GPR143: variants seen among roughly 807,000 people sequenced by gnomAD.
GPR143 encodes G protein-coupled receptor 143, also known as G-protein coupled receptor 143.
GPR143 carries 8 observed loss-of-function variants against 27.6 expected under a neutral mutation model. The observed-to-expected ratio is 0.29, with a 90% CI of 0.17 to 0.52. The LOEUF (loss-of-function observed/expected upper bound fraction) is 0.52, where lower values mean the gene tolerates loss of function less well. GPR143 is among the 20% of genes least tolerant of loss of function. The pLI is 0.96. For missense variants in GPR143, 303 were observed against 343.1 expected, an observed-to-expected ratio of 0.88 and a Z score of 0.92; for synonymous variants, 156 against 153.2, an observed-to-expected ratio of 1.02 and a Z score of -0.13.
chrX:9,731,717 A>C (rs2083354256), intron 8 of GPR143, among the ~76,000 whole-genome samples: 1 of 107,092 alleles, frequency 9.3e-6, no homozygotes, highest in African/African-American at 3.4e-5. Context: ...GAATTGTAGG[A>C]GGGAACAGAG....
intron 2 of GPR143, 74 bp downstream of exon 2, chrX:9,760,643 C>A: frequency 1.7e-6 from 1 of 577,278 alleles, no homozygotes; most frequent in Non-Finnish European, 3.0e-6. Context: ...CTAACAGACT[C>A]CCAGGGTTTG....
chrX:9,758,395 C>G (rs2083481620), intron 3 of GPR143, among the ~76,000 whole-genome samples: 1 of 111,334 alleles, frequency 9.0e-6, no homozygotes, highest in Non-Finnish European at 1.9e-5. Flanking sequence ...GCTGAGAAAA[C>G]AGAAGTCCAG....
In GPR143 at chrX:9,743,723, G is replaced by A. The variant is rs754610822; in HGVS notation, c.659-50C>T. The A allele has an allele frequency of 3.9e-6, 3 of 775,425 alleles. 1 individual carries two copies. In the South Asian group the frequency reaches 6.2e-5, roughly 16 times the overall value. 63.9% of individuals were successfully genotyped at this position (775,425 alleles called of 1,213,427 possible). On this transcript the variant is annotated intron_variant, in intron 5 of 8. Transcript: ENST00000467482. ...TATGGTGTTCATTATTCATGTTTAC[G>A]GAGTGACAGAGAAGGCAATGGAAGC...
At chrX:9,747,612 A>G (rs934767511) in intron 4 of GPR143, among the ~76,000 whole-genome samples, 25 of 112,135 alleles carry the variant, frequency 2.2e-4, no homozygotes, top group Non-Finnish European at 4.5e-4. Flanking sequence ...GGCAACACCA[A>G]TTTGGAGACA....
At chrX:9,770,951 G>C (rs150819353), upstream of GPR143, among the ~76,000 whole-genome samples, 1,013 of 111,923 alleles carry the variant, frequency 9.1e-3, 12 homozygotes, top group African/African-American at 0.031. Context: ...TTGAGCAATG[G>C]TATAGATTCT....
chrX:9,748,484 C>G, intron 4 of GPR143, 90 bp downstream of exon 4: 1 of 625,090 alleles, frequency 1.6e-6, no homozygotes, highest in Non-Finnish European at 2.7e-6. Flanking sequence ...AAGGCACCCA[C>G]TCTGTGGGTC....
intron 1 of GPR143, among the ~76,000 whole-genome samples, chrX:9,774,856 GTTTT>G (rs1281754797): frequency 2.7e-5 from 3 of 110,829 alleles, no homozygotes; most frequent in Non-Finnish European, 5.7e-5. Context: ...TTTTTTAATT[GTTTT>G]TTTGTTTGTT....
At chrX:9,746,361 TG>T (rs1196725324) in intron 4 of GPR143, among the ~76,000 whole-genome samples, 6 of 111,333 alleles carry the variant, frequency 5.4e-5, no homozygotes, top group Non-Finnish European at 9.4e-5. Context: ...ACCATGTTTC[TG>T]TCTCAGAAAT....
chrX:9,772,813 CAAAAAAAA>C (rs57110568), intron 1 of GPR143, among the ~76,000 whole-genome samples: 18 of 49,794 alleles, frequency 3.6e-4, no homozygotes, highest in African/African-American at 1.4e-3. Flanking sequence ...GATCCTGTCT[CAAAAAAAA>C]AAAAAAAAAA....
At chrX:9,770,157 A>C, upstream of GPR143, among the ~76,000 whole-genome samples, 1 of 29,752 alleles carries the variant, frequency 3.4e-5, no homozygotes, top group East Asian at 9.7e-4. Context: ...CACCTCCCCC[A>C]GTCAAAAAAA....
chrX:9,751,177 C>T (rs950801209), intron 3 of GPR143, among the ~76,000 whole-genome samples: 2 of 112,793 alleles, frequency 1.8e-5, no homozygotes, highest in African/African-American at 6.4e-5. Context: ...GCTAAGGGGC[C>T]AGGTGGACGT....
rs891542900 is a variant in GPR143 at position 9,726,066 on chromosome X, G to A, written c.1121-226C>T. ...CTACATTTTATTAAATCATTACAAC[G>A]GATGACACAAGCCCTACAGAATCAT... On this transcript the variant is annotated intron_variant, in intron 8 of 8. Coordinates refer to ENST00000467482, the MANE Select transcript of GPR143 (RefSeq NM_000273.3). 8 of 608,595 alleles carry A rather than the reference G, an allele frequency of 1.3e-5. No individual in the cohort carries two copies. In the African/African-American group the frequency reaches 1.6e-4, roughly 12 times the overall value. The allele number at this position is 608,595 out of a possible 1,213,427, so 50.2% of individuals were successfully genotyped here. A position where few individuals can be genotyped will look rare whatever the true frequency, so the allele number is the denominator to read the frequency against.
At chrX:9,738,333 A>G (rs1206801270) in intron 8 of GPR143, 1 of 555,041 alleles carries the variant, frequency 1.8e-6, no homozygotes, top group African/African-American at 2.5e-5. Flanking sequence ...TTTTTGCTTC[A>G]TTCCCTAGAT....
At chrX:9,765,535 A>G in intron 1 of GPR143, 33 bp downstream of exon 1, 2 of 1,079,035 alleles carry the variant, frequency 1.9e-6, no homozygotes, top group Non-Finnish European at 2.4e-6. Context: ...GGCGCTGATC[A>G]GATTCCAACC....
At position 9,763,140 on chromosome X, in the gene GPR143, C is replaced by T. The variant is rs151011880; in HGVS notation, c.251-2314G>A. 6.9e-3 allele frequency among the ~76,000 whole-genome samples: 742 copies of T among 107,662 alleles called. 6 individuals are homozygous for T. Among genetic ancestry groups the T allele is most frequent in the African/African-American group, 0.022 (654 of 29,536 alleles). The allele number at this position is 107,662 out of a possible 115,157, so 93.5% of individuals were successfully genotyped here. A position where few individuals can be genotyped will look rare whatever the true frequency, so the allele number is the denominator to read the frequency against. On this transcript the variant is annotated intron_variant, in intron 1 of 8. Coordinates refer to ENST00000467482, the MANE Select transcript of GPR143 (RefSeq NM_000273.3). The stretch of plus-strand genomic sequence containing the variant: ...TGGGGGTAGAGCCTGGGTCTCGTTA[C>T]GTTGCCCAGGCTAGTCTTGAACTCC...
In GPR143 at chrX:9,739,600, C is replaced by T. The variant is rs776550135; in HGVS notation, c.1005G>A (p.Ser335=). The change falls in exon 8 of 9, where the codon TCG becomes TCA. Residue 335 remains serine, a synonymous_variant. Transcript: ENST00000467482. ...KEIQWESLTT[S]AAEGAHPSPL... ...GGGATGGGTGAGCCCCCTCAGCAGC[C>T]GAGGTGGTCAGTGATTCCCACTGGA... 69 of 1,204,846 alleles carry T rather than the reference C, an allele frequency of 5.7e-5. No individual in the cohort carries two copies. Among genetic ancestry groups the T allele is most frequent in the Non-Finnish European group, 7.0e-5 (62 of 891,041 alleles).
At chrX:9,762,001 C>T (rs1003475920) in intron 1 of GPR143, among the ~76,000 whole-genome samples, 6 of 112,204 alleles carry the variant, frequency 5.3e-5, no homozygotes, top group African/African-American at 1.6e-4. Context: ...GTGGGAGAAT[C>T]GCTTGAGCCC....
At position 9,761,632 on chromosome X, in the gene GPR143, AAC is replaced by A. The variant is rs199926624; in HGVS notation, c.251-808_251-807del. 5.4e-3 allele frequency among the ~76,000 whole-genome samples: 573 copies of A among 105,339 alleles called. 3 individuals carry two copies. Among genetic ancestry groups the A allele is most frequent in the African/African-American group, 0.019 (563 of 29,403 alleles). 91.5% of individuals were successfully genotyped at this position (105,339 alleles called of 115,157 possible). ...TATATAGTTCCTTCATTCTTTTTTAAACACAACATTTAAAATTTTCACAAATT... is the reference window on the plus strand; with the variant it reads ...TATATAGTTCCTTCATTCTTTTTTAAACAACATTTAAAATTTTCACAAATT... On this transcript the variant is annotated intron_variant, in intron 1 of 8. Coordinates refer to ENST00000467482, the MANE Select transcript of GPR143 (RefSeq NM_000273.3).
At chrX:9,734,095 A>AAG (rs1435717252) in intron 8 of GPR143, among the ~76,000 whole-genome samples, 17 of 108,515 alleles carry the variant, frequency 1.6e-4, no homozygotes, top group Admixed American at 4.9e-4. Flanking sequence ...AAAAAAAAAA[A>AAG]AAGAAGAAGA....
Sources: allele counts gnomAD v4.1 joint callset (sites outside exome capture counted in the v4.1 genomes callset), GRCh38; gene constraint gnomAD v4.1.1; transcripts MANE v1.5; gene names NCBI Gene and HGNC (gene_info 2026-07-23, HGNC 2026-07-21).